WARS2: variants seen among roughly 807,000 people sequenced by gnomAD.
The protein encoded by WARS2 is tryptophan--tRNA ligase, mitochondrial.
Under a neutral mutation model 36.5 loss-of-function variants are expected in WARS2, and 28 were observed. The observed-to-expected ratio is 0.77, with a 90% CI of 0.57 to 1.05. The LOEUF is 1.05. WARS2 is among the 50% of genes least tolerant of loss of function. The pLI is 0.00. For missense variants in WARS2, 435 were observed against 456.8 expected, an observed-to-expected ratio of 0.95 and a Z score of 0.44; for synonymous variants, 174 against 178.4, an observed-to-expected ratio of 0.98 and a Z score of 0.20.
intron 1 of WARS2, among the ~76,000 whole-genome samples, chr1:119,105,542 A>T (rs1201288886): frequency 6.6e-6 from 1 of 152,128 alleles, no homozygotes; most frequent in Non-Finnish European, 1.5e-5. Flanking sequence ...AGCCAAGATA[A>T]GTGACCGACA....
At chr1:119,065,295 A>C (rs1200737979) in intron 2 of WARS2, among the ~76,000 whole-genome samples, 1 of 152,204 alleles carries the variant, frequency 6.6e-6, no homozygotes, top group Non-Finnish European at 1.5e-5. Flanking sequence ...GAATGGCTGA[A>C]AATTAATGAG....
intron 1 of WARS2, chr1:119,127,329 T>C: frequency 1.7e-6 from 1 of 574,914 alleles, no homozygotes; most frequent in South Asian, 1.7e-5. Context: ...TAGATACTAT[T>C]ACTGTCTCTG....
intron 2 of WARS2, among the ~76,000 whole-genome samples, chr1:119,046,514 A>ATT (rs113950723): frequency 1.7e-3 from 236 of 140,912 alleles, no homozygotes; most frequent in East Asian, 7.7e-3. Flanking sequence ...CATCCGGCTA[A>ATT]TTTTTTTTTT....
chr1:119,101,448 C>T (rs1338079945), intron 1 of WARS2, among the ~76,000 whole-genome samples: 2 of 152,106 alleles, frequency 1.3e-5, no homozygotes, highest in Non-Finnish European at 2.9e-5. Context: ...TTAATATATA[C>T]TTATTAAATA....
At chr1:119,073,318 T>A (rs1270017303) in intron 2 of WARS2, among the ~76,000 whole-genome samples, 1 of 152,152 alleles carries the variant, frequency 6.6e-6, no homozygotes, top group Non-Finnish European at 1.5e-5. Context: ...GAAAGCCTGA[T>A]AAAATATCCC....
intron 2 of WARS2, among the ~76,000 whole-genome samples, chr1:119,048,694 AT>A (rs1341100074): frequency 6.6e-6 from 1 of 152,042 alleles, no homozygotes; most frequent in Non-Finnish European, 1.5e-5. Context: ...GAGGAGAAAA[AT>A]TTTTGTTTTC....
chr1:119,041,093 G>A (rs1480372926), intron 4 of WARS2, among the ~76,000 whole-genome samples: 6 of 152,188 alleles, frequency 3.9e-5, no homozygotes, highest in African/African-American at 1.2e-4. Context: ...TCTTTTGGCC[G>A]TTTCCATCAT....
At chr1:119,126,488 T>A (rs1383318082) in intron 1 of WARS2, 2 of 458,228 alleles carry the variant, frequency 4.4e-6, no homozygotes, top group Non-Finnish European at 7.9e-6. Flanking sequence ...TATTTTTTTT[T>A]TTTTTTTCAC....
At chr1:119,084,025 GTT>G (rs1221473088) in intron 1 of WARS2, among the ~76,000 whole-genome samples, 2 of 141,740 alleles carry the variant, frequency 1.4e-5, no homozygotes, top group Non-Finnish European at 1.6e-5. Flanking sequence ...CTCATACGAT[GTT>G]TTTTTTTTTT....
rs772335269 is a variant in WARS2 at position 119,140,587 on chromosome 1, G to A, written c.58C>T (p.His20Tyr). ...GCGGGAGCAGCTGCGGATCCCTTAT[G>A]AAGTGCCCGGATGAAGCTCCAGCGC... is the stretch of plus-strand genomic sequence containing the variant. ...RERWSFIRAL[H>Y]KGSAAAPALQ... Residue 20 changes from histidine (H) to tyrosine (Y), a missense_variant, in exon 1 of 6, where the codon CAT (histidine) becomes TAT (tyrosine). By Grantham distance (83) the His-to-Tyr change is moderately conservative (BLOSUM62 2). Transcript: ENST00000235521. 1 of 1,613,860 alleles carries A rather than the reference G, an allele frequency of 6.2e-7. No individual in the cohort carries two copies. Among genetic ancestry groups the A allele is most frequent in the African/African-American group, 1.3e-5 (1 of 74,956 alleles).
intron 1 of WARS2, chr1:119,085,447 T>C (rs1652570965): frequency 6.6e-7 from 1 of 1,514,256 alleles, no homozygotes; most frequent in Non-Finnish European, 8.9e-7. Flanking sequence ...CAGTCAGTTG[T>C]CTCTTTTTCT....
chr1:119,114,077 T>C (rs780153276), intron 1 of WARS2, among the ~76,000 whole-genome samples: 1 of 152,176 alleles, frequency 6.6e-6, no homozygotes, highest in Non-Finnish European at 1.5e-5. Context: ...ACATAGGCAC[T>C]ATTATTATTT....
rs587728015 is a variant in WARS2 at position 119,130,545 on chromosome 1, CAT to C, written c.90+10008_90+10009del. On this transcript the variant is annotated intron_variant, in intron 1 of 5. Transcript: ENST00000235521. The stretch of plus-strand genomic sequence containing the variant: ...GTATGACCTTCCAATCATTTATAAA[CAT>C]GTGGATACTTTGGGCAATAATAAGA... Among the ~76,000 whole-genome samples, 41 of 152,280 alleles carry C rather than the reference CAT, an allele frequency of 2.7e-4. No individual in the cohort carries two copies. The South Asian group carries it at 7.5e-3, about 28-fold the overall frequency.
chr1:119,113,328 T>C (rs1330414235), intron 1 of WARS2, among the ~76,000 whole-genome samples: 1 of 152,140 alleles, frequency 6.6e-6, no homozygotes, highest in Admixed American at 6.6e-5. Flanking sequence ...AAGAGTCATA[T>C]GCCCAAGCAG....
chr1:119,116,040 T>C (rs1302926976), intron 1 of WARS2, among the ~76,000 whole-genome samples: 1 of 152,242 alleles, frequency 6.6e-6, no homozygotes, highest in Non-Finnish European at 1.5e-5. Context: ...TGTGTAAGCA[T>C]ACACTAGACC....
intron 5 of WARS2, 92 bp from the exon 6 acceptor site, chr1:119,033,451 A>G (rs1647619128): frequency 2.0e-6 from 3 of 1,495,180 alleles, no homozygotes; most frequent in Non-Finnish European, 9.1e-7. Context: ...CCAACTTGCA[A>G]TGGTTTGAAT....
intron 1 of WARS2, among the ~76,000 whole-genome samples, chr1:119,119,189 A>T (rs1655178621): frequency 6.6e-6 from 1 of 152,136 alleles, no homozygotes; most frequent in Non-Finnish European, 1.5e-5. Context: ...GACTCACCTA[A>T]CACGTAAAGA....
chr1:119,060,989 TA>T (rs1650330664), intron 2 of WARS2, among the ~76,000 whole-genome samples: 3 of 152,172 alleles, frequency 2.0e-5, no homozygotes, highest in Admixed American at 2.0e-4. Flanking sequence ...CAACAATGGC[TA>T]AAACAACTGG....
chr1:119,082,326 C>T (rs587634946), intron 1 of WARS2: 13 of 985,382 alleles, frequency 1.3e-5, no homozygotes, highest in African/African-American at 7.0e-5. Context: ...TTTCCTTACA[C>T]GTGCTGTACC....
Sources: gnomAD v4.1 joint callset for allele counts (sites outside exome capture counted in the v4.1 genomes callset) on GRCh38, gnomAD v4.1.1 for gene constraint, MANE v1.5 for transcripts, NCBI Gene and HGNC (gene_info 2026-07-23, HGNC 2026-07-21) for gene names.